IST1: variants seen among roughly 807,000 people sequenced by gnomAD.
IST1 encodes the protein IST1 homolog.
Under a neutral mutation model 37.0 loss-of-function variants are expected in IST1, and 23 were observed. That is an observed-to-expected ratio of 0.62 (90% confidence interval 0.45 to 0.88). The LOEUF is 0.88. Among genes scored for constraint, IST1 ranks in the 40% least tolerant of loss-of-function variants. The probability of loss-of-function intolerance (pLI) is 0.00; values close to 1 mark genes in which losing one functional copy is unlikely to be tolerated. For missense variants in IST1, 488 were observed against 445.4 expected (o/e 1.10, Z -0.86); for synonymous variants, 180 against 161.7 (o/e 1.11, Z -0.86).
chr16:71,897,433 C>T (rs2036999113), intron 1 of IST1, among the ~76,000 whole-genome samples: 1 of 152,132 alleles, frequency 6.6e-6, no homozygotes, highest in Non-Finnish European at 1.5e-5. Context: ...TTATCAGGAG[C>T]TCCAGAATCT....
At position 71,929,941 on chromosome 16, in the gene IST1, G is replaced by GAAT; in HGVS notation, c.*2130_*2132dup. ...GCAGAGCTTTTGAAACTAATAAAGGGAATATGATACTGTGCATTATAAATT... is the reference window on the plus strand; with the variant it reads ...GCAGAGCTTTTGAAACTAATAAAGGGAATAATATGATACTGTGCATTATAAATT... On this transcript the variant is annotated 3_prime_UTR_variant, in exon 10 of 10. Coordinates refer to ENST00000378799, the MANE Select transcript of IST1 (RefSeq NM_001270975.2). 1 of 1,278,552 alleles carries GAAT rather than the reference G, an allele frequency of 7.8e-7. No individual in the cohort carries two copies. Among genetic ancestry groups the GAAT allele is most frequent in the Non-Finnish European group, 1.1e-6 (1 of 945,080 alleles). The allele number at this position is 1,278,552 out of a possible 1,614,324, so 79.2% of individuals were successfully genotyped here.
At chr16:71,908,573 A>T (rs543481677) in intron 1 of IST1, among the ~76,000 whole-genome samples, 30 of 152,274 alleles carry the variant, frequency 2.0e-4, no homozygotes, top group African/African-American at 6.0e-4. Context: ...GAGCCACTGC[A>T]CCCAGCCAGC....
At chr16:71,907,191 T>C (rs1358578834) in intron 1 of IST1, among the ~76,000 whole-genome samples, 6 of 151,774 alleles carry the variant, frequency 4.0e-5, no homozygotes, top group African/African-American at 4.8e-5. Flanking sequence ...TTCTTTCTTT[T>C]TTTTTTTTTT....
chr16:71,906,663 G>C (rs1342493676), intron 1 of IST1, among the ~76,000 whole-genome samples: 1 of 152,002 alleles, frequency 6.6e-6, no homozygotes, highest in Non-Finnish European at 1.5e-5. Context: ...TCTCTTACTA[G>C]TTTTCCCTCA....
At position 71,922,581 on chromosome 16, in the gene IST1, A is replaced by G; in HGVS notation, c.660A>G (p.Pro220=). 6.2e-7 allele frequency: 1 copy of G among 1,613,850 alleles called. No individual in the cohort carries two copies. The highest frequency in any genetic ancestry group is 8.5e-7 in the Non-Finnish European group (1 of 1,179,942). The change falls in exon 7 of 10, where the codon CCA becomes CCG. Residue 220 remains proline (P), a synonymous_variant. Coordinates refer to ENST00000378799, the MANE Select transcript of IST1 (RefSeq NM_001270975.2). Reference sequence around the variant, plus strand: ...GAGGGAGTGGTGGCTTCACAGCACCAGTTGGTGGACCTGATGGAACGGTGC... The same window carrying G: ...GAGGGAGTGGTGGCTTCACAGCACCGGTTGGTGGACCTGATGGAACGGTGC... ...GRGGSGGFTA[P]VGGPDGTVPM...
intron 8 of IST1, among the ~76,000 whole-genome samples, chr16:71,923,675 C>T (rs961796596): frequency 2.0e-5 from 3 of 152,050 alleles, no homozygotes; most frequent in Non-Finnish European, 4.4e-5. Flanking sequence ...TTGTTTTGAC[C>T]GACTAGGCAG....
chr16:71,901,542 C>G (rs1406548822), intron 1 of IST1, among the ~76,000 whole-genome samples: 1 of 152,086 alleles, frequency 6.6e-6, no homozygotes, highest in East Asian at 1.9e-4. Context: ...CGTTTTTAGT[C>G]TGATTTATTT....
At chr16:71,911,008 G>T (rs139093401) in intron 1 of IST1, among the ~76,000 whole-genome samples, 1 of 152,126 alleles carries the variant, frequency 6.6e-6, no homozygotes, top group African/African-American at 2.4e-5. Context: ...GGGAGGCTGA[G>T]GTGGGTGGAT....
chr16:71,920,255 A>G (rs2037550001), intron 4 of IST1, among the ~76,000 whole-genome samples: 2 of 152,262 alleles, frequency 1.3e-5, no homozygotes. Flanking sequence ...TCTAGCACAG[A>G]TATCTTGGTT....
chr16:71,895,002 G>A (rs558209557), upstream of IST1: 8 of 607,626 alleles, frequency 1.3e-5, no homozygotes, highest in African/African-American at 1.3e-4. Context: ...GCTTAAAAGC[G>A]GGGCGGGGGA....
intron 1 of IST1, among the ~76,000 whole-genome samples, chr16:71,896,494 T>A (rs1181803579): frequency 6.6e-6 from 1 of 152,214 alleles, no homozygotes; most frequent in Non-Finnish European, 1.5e-5. Flanking sequence ...AACTCATGCC[T>A]AATCTTGTTT....
chr16:71,898,434 A>G (rs2037027277), intron 1 of IST1, among the ~76,000 whole-genome samples: 1 of 151,020 alleles, frequency 6.6e-6, no homozygotes, highest in Non-Finnish European at 1.5e-5. Flanking sequence ...CTGTAATCCC[A>G]GCACTTTGAG....
chr16:71,915,188 C>T (rs970364084), intron 1 of IST1, among the ~76,000 whole-genome samples: 50 of 152,166 alleles, frequency 3.3e-4, no homozygotes, highest in African/African-American at 1.1e-3. Context: ...CATCTTCCCC[C>T]ATTGCCATCC....
In IST1 at chr16:71,900,322, GAA is replaced by G. The variant is rs2142524325; in HGVS notation, c.-16+4734_-16+4735del. ...ACAAACACTGAGTTTACTCCCTTAG[GAA>G]GTCTTTTTTTTTTTTTTTTTTTTTT... is the stretch of plus-strand genomic sequence containing the variant. On this transcript the variant is annotated intron_variant, in intron 1 of 9. Transcript: ENST00000378799. Among the ~76,000 whole-genome samples, 3 of 141,928 alleles carry G rather than the reference GAA, an allele frequency of 2.1e-5. No homozygotes were observed. The South Asian group carries it at 6.7e-4, about 32-fold the overall frequency. 93.1% of individuals were successfully genotyped at this position (141,928 alleles called of 152,430 possible).
At chr16:71,906,891 C>T (rs565731739) in intron 1 of IST1, among the ~76,000 whole-genome samples, 8 of 151,926 alleles carry the variant, frequency 5.3e-5, no homozygotes, top group East Asian at 3.9e-4. Context: ...CAGCTGGGTA[C>T]GGTTGTCTCA....
chr16:71,921,460 T>G lies in IST1; in HGVS notation c.552+7T>G. The G allele has an allele frequency of 6.5e-7, 1 of 1,543,676 alleles. No individual in the cohort carries two copies. Among genetic ancestry groups the G allele is most frequent in the Non-Finnish European group, 9.0e-7 (1 of 1,116,376 alleles). On this transcript the variant is annotated splice_region_variant and intron_variant, in intron 6 of 9. Coordinates refer to ENST00000378799, the MANE Select transcript of IST1 (RefSeq NM_001270975.2). ...ACCTGACTCTGTGGTCATGGTAAGT[T>G]TATCCCAGAATACAAAGAAAAATGA... is the stretch of plus-strand genomic sequence containing the variant.
At chr16:71,897,943 C>T (rs574428115) in intron 1 of IST1, among the ~76,000 whole-genome samples, 2 of 152,074 alleles carry the variant, frequency 1.3e-5, no homozygotes, top group African/African-American at 2.4e-5. Context: ...AGTGAGAATC[C>T]GTCTCAAAAA....
intron 5 of IST1, 132 bp from the exon 6 acceptor site, chr16:71,921,211 C>G (rs2037573117): frequency 6.3e-6 from 4 of 637,494 alleles, no homozygotes; most frequent in South Asian, 3.8e-5. Flanking sequence ...TGAAAAAAAT[C>G]ATTTAACTGC....
intron 1 of IST1, among the ~76,000 whole-genome samples, chr16:71,900,516 A>T (rs9937936): frequency 0.8 from 121,325 of 151,698 alleles, 48,874 homozygotes; most frequent in East Asian, 0.98. Flanking sequence ...GGGGAGGCTA[A>T]CTAGCTCGCG....
Sources: gnomAD v4.1 joint callset for allele counts (sites outside exome capture counted in the v4.1 genomes callset) on GRCh38, gnomAD v4.1.1 for gene constraint, MANE v1.5 for transcripts, NCBI Gene and HGNC (gene_info 2026-07-23, HGNC 2026-07-21) for gene names.